Variants in TSBP1 observed in about 807,000 individuals in gnomAD.
The protein encoded by TSBP1 is testis-expressed basic protein 1.
Under a neutral mutation model 68.8 loss-of-function variants are expected in TSBP1, and 56 were observed. The ratio of observed to expected loss-of-function variants is 0.81; its 90% CI spans 0.66 to 1.02. TSBP1 has a LOEUF of 1.02. Ranked by LOEUF, TSBP1 falls within the 50% of genes least tolerant of loss-of-function variation. The pLI, the probability that TSBP1 is intolerant of heterozygous loss-of-function variation, is 0.00. For missense variants in TSBP1, 502 were observed against 641.2 expected (o/e 0.78, Z 2.34); for synonymous variants, 171 against 208.7 (o/e 0.82, Z 1.56).
intron 19 of TSBP1, among the ~76,000 whole-genome samples, chr6:32,308,363 C>A (rs1223118983): frequency 6.6e-6 from 1 of 151,432 alleles, no homozygotes; most frequent in African/African-American, 2.4e-5. Flanking sequence ...CTTTGGGAGG[C>A]CGAGGCGGGC....
intron 16 of TSBP1, chr6:32,324,349 C>T: frequency 8.4e-6 from 4 of 475,574 alleles, no homozygotes; most frequent in African/African-American, 2.0e-5. Context: ...CCATTTTTTC[C>T]CTTTTTAAGG....
At chr6:32,305,607 T>A (rs571416267) in intron 19 of TSBP1, among the ~76,000 whole-genome samples, 1 of 152,314 alleles carries the variant, frequency 6.6e-6, no homozygotes, top group African/African-American at 2.4e-5. Context: ...CCGATTCTCC[T>A]ACCTCAGCCT....
intron 19 of TSBP1, among the ~76,000 whole-genome samples, chr6:32,309,495 T>G (rs1766151945): frequency 6.6e-6 from 1 of 152,186 alleles, no homozygotes; most frequent in Admixed American, 6.5e-5. Flanking sequence ...TTCATTTCAG[T>G]CTCACTCATA....
Position 32,361,579 on chromosome 6 carries a change from T to C in TSBP1, c.217+4588A>G, listed in dbSNP as rs1773028315. On this transcript the variant is annotated intron_variant, in intron 6 of 22. Transcript: ENST00000612031. The surrounding 1 kb of genome is among the most constrained non-coding windows in gnomAD (Gnocchi z 4.3). ...TTAATGATTGCCATTCTAACTGGTG[T>C]GAGATGGTATCTCACTGTGGTTTTG... 6.6e-6 allele frequency among the ~76,000 whole-genome samples: 1 copy of C among 152,208 alleles called. No homozygotes were observed. Among genetic ancestry groups the C allele is most frequent in the South Asian group, 2.1e-4 (1 of 4,828 alleles).
At chr6:32,299,789 G>A in intron 22 of TSBP1, 133 bp downstream of exon 25, 1 of 736,822 alleles carries the variant, frequency 1.4e-6, no homozygotes, top group Non-Finnish European at 2.4e-6. Flanking sequence ...AACCTTGGAA[G>A]TTTCTGGAAG....
At chr6:32,307,596 CTGTT>C (rs895935542) in intron 19 of TSBP1, among the ~76,000 whole-genome samples, 7 of 138,730 alleles carry the variant, frequency 5.0e-5, no homozygotes, top group Non-Finnish European at 8.0e-5. Context: ...TAATTTTTGT[CTGTT>C]TATTTTATGA....
intron 22 of TSBP1, among the ~76,000 whole-genome samples, chr6:32,295,723 C>T (rs1025984175): frequency 6.6e-6 from 1 of 152,004 alleles, no homozygotes; most frequent in African/African-American, 2.4e-5. Flanking sequence ...AAATATTGGC[C>T]ATTACTACTT....
chr6:32,308,597 CAA>C (rs9279570), intron 19 of TSBP1, among the ~76,000 whole-genome samples: 4 of 108,544 alleles, frequency 3.7e-5, no homozygotes, highest in Admixed American at 9.1e-5. Flanking sequence ...GACTCCGTCT[CAA>C]AAAAAAAAAA....
At chr6:32,371,092 TCTC>T (rs72249204) in intron 1 of TSBP1, among the ~76,000 whole-genome samples, 5,947 of 152,200 alleles carry the variant, frequency 0.039, 333 homozygotes, top group African/African-American at 0.12. Flanking sequence ...GTGAGAAAAT[TCTC>T]CTGCCAAATC....
intron 17 of TSBP1, 69 bp downstream of exon 18, chr6:32,323,521 AG>A (rs1369934163): frequency 7.2e-7 from 1 of 1,398,518 alleles, no homozygotes; most frequent in Admixed American, 1.7e-5. Context: ...GGGTAGAGAC[AG>A]GTCTCTAAGC....
intron 18 of TSBP1, among the ~76,000 whole-genome samples, chr6:32,317,411 G>T (rs1048869008): frequency 2.0e-5 from 3 of 152,264 alleles, no homozygotes; most frequent in South Asian, 2.1e-4. Context: ...AAAATTTCAT[G>T]ATGAAGACAA....
At chr6:32,301,116 C>G (rs1038641908) in intron 20 of TSBP1, among the ~76,000 whole-genome samples, 41 of 152,222 alleles carry the variant, frequency 2.7e-4, no homozygotes, top group African/African-American at 8.4e-4. Context: ...GCAGCTTCCA[C>G]TTCCGGGGTT....
chr6:32,347,959 G>A (rs910809037), intron 9 of TSBP1, among the ~76,000 whole-genome samples: 4 of 152,106 alleles, frequency 2.6e-5, no homozygotes, highest in African/African-American at 9.7e-5. Flanking sequence ...TTACTTCTTG[G>A]TCTTGCTCTA....
chr6:32,319,378 C>G (rs1767349558), intron 18 of TSBP1, among the ~76,000 whole-genome samples: 1 of 152,202 alleles, frequency 6.6e-6, no homozygotes, highest in African/African-American at 2.4e-5. Flanking sequence ...TACTTGCCCT[C>G]TTGAGCCCTC....
At chr6:32,295,398 G>C (rs1415461619) in intron 22 of TSBP1, among the ~76,000 whole-genome samples, 2 of 149,428 alleles carry the variant, frequency 1.3e-5, no homozygotes, top group Non-Finnish European at 1.5e-5. Context: ...ATTCCTGCTA[G>C]CTGGGTTTAA....
intron 19 of TSBP1, among the ~76,000 whole-genome samples, chr6:32,313,601 C>T (rs1056619618): frequency 6.6e-6 from 1 of 152,070 alleles, no homozygotes; most frequent in Non-Finnish European, 1.5e-5. Flanking sequence ...TGGATTTTCT[C>T]ATAGATTTCA....
chr6:32,323,713 G>A lies in TSBP1; in HGVS notation c.515-99C>T. 3.8e-6 allele frequency: 4 copies of A among 1,039,290 alleles called. No individual in the cohort carries two copies. In the South Asian group the frequency reaches 4.3e-5, roughly 11 times the overall value. The allele number at this position is 1,039,290 out of a possible 1,614,324, so 64.4% of individuals were successfully genotyped here. A position where few individuals can be genotyped will look rare whatever the true frequency, so the allele number is the denominator to read the frequency against. ...TCTTGGTAGGTCATTATAACAATAG[G>A]GAAAACTTTCCCTTTGGTATTCATT... On this transcript the variant is annotated intron_variant, in intron 16 of 22. Transcript: ENST00000612031.
At chr6:32,296,482 T>C (rs1215837034) in intron 22 of TSBP1, among the ~76,000 whole-genome samples, 1 of 152,232 alleles carries the variant, frequency 6.6e-6, no homozygotes, top group African/African-American at 2.4e-5. Context: ...CAATTTTCAG[T>C]TTCCTAATGA....
intron 16 of TSBP1, among the ~76,000 whole-genome samples, chr6:32,327,985 T>A (rs1243388723): frequency 6.6e-6 from 1 of 151,900 alleles, no homozygotes; most frequent in African/African-American, 2.4e-5. Flanking sequence ...TTTGTATTTT[T>A]AGTAGAGACA....
Sources: gnomAD v4.1 joint callset for allele counts (sites outside exome capture counted in the v4.1 genomes callset) on GRCh38, gnomAD v4.1.1 for gene constraint, Gnocchi (gnomAD v3.1) non-coding constraint, MANE v1.5 for transcripts, NCBI Gene and HGNC (gene_info 2026-07-23, HGNC 2026-07-21) for gene names.